The following GPR55 variants were observed in gnomAD, a reference collection of about 807,000 sequenced individuals.
The protein encoded by GPR55 is G protein-coupled receptor 55.
In GPR55, 6 loss-of-function variants were observed where a neutral mutation model predicts 7.9. That is an observed-to-expected ratio of 0.76 (90% CI 0.41 to 1.49). The LOEUF (loss-of-function observed/expected upper bound fraction) is 1.49. GPR55 is among the 40% of genes most tolerant of loss of function. The pLI, the probability that GPR55 is intolerant of heterozygous loss-of-function variation, is 0.01. For missense variants in GPR55, 376 were observed against 406.0 expected (o/e 0.93, Z 0.63); for synonymous variants, 183 against 166.8 (o/e 1.10, Z -0.75).
exon 1 of GPR55, chr2:230,961,063 T>C (rs1215259817): frequency 6.6e-6 from 1 of 152,230 alleles, no homozygotes; most frequent in Non-Finnish European, 1.5e-5. Context: ...GCCCAGAGCA[T>C]TCTGTTCTCC....
chr2:230,952,787 G>T (rs865941510), intron 1 of GPR55, among the ~76,000 whole-genome samples: 1 of 152,138 alleles, frequency 6.6e-6, no homozygotes, highest in African/African-American at 2.4e-5. Context: ...CCTCTTGGAG[G>T]CAGGCTTCTC....
chr2:230,911,904 G>C (rs560511334), intron 1 of GPR55, among the ~76,000 whole-genome samples: 1 of 152,268 alleles, frequency 6.6e-6, no homozygotes, highest in African/African-American at 2.4e-5. Context: ...TTTGGGGTGA[G>C]GGGGTGAGTG....
chr2:230,911,006 C>T lies in GPR55; in HGVS notation c.-44G>A, dbSNP rs752577499. On this transcript the variant is annotated 5_prime_UTR_variant, in exon 2 of 2. In the 5' UTR this introduces an upstream ATG that the reference lacks. Transcript: ENST00000650999. ...AACAGATCAGACGGGGCTCCTTTCACTCTCTTGAAGTGATGGATTCAAATG... is the reference window on the plus strand; with the variant it reads ...AACAGATCAGACGGGGCTCCTTTCATTCTCTTGAAGTGATGGATTCAAATG... 123 of 1,555,242 alleles carry T rather than the reference C, an allele frequency of 7.9e-5. No individual in the cohort carries two copies. The East Asian group carries it at 2.0e-3, about 25-fold the overall frequency.
intron 1 of GPR55, among the ~76,000 whole-genome samples, chr2:230,932,302 A>C (rs919578547): frequency 6.6e-6 from 1 of 152,370 alleles, no homozygotes; most frequent in East Asian, 1.9e-4. Flanking sequence ...CATTCCCTAC[A>C]TAATTGGTGC....
At chr2:230,927,849 C>T (rs531377919), upstream of GPR55, among the ~76,000 whole-genome samples, 1 of 152,390 alleles carries the variant, frequency 6.6e-6, no homozygotes, top group African/African-American at 2.4e-5. Flanking sequence ...CCTGGCCCTG[C>T]CCTCGTGGGG....
chr2:230,958,191 G>C (rs1455773101), intron 1 of GPR55, among the ~76,000 whole-genome samples: 2 of 152,140 alleles, frequency 1.3e-5, no homozygotes, highest in Non-Finnish European at 2.9e-5. Context: ...GAGTACTACT[G>C]TTATCACATC....
At chr2:230,949,418 T>G (rs1375547220) in intron 1 of GPR55, among the ~76,000 whole-genome samples, 1 of 152,224 alleles carries the variant, frequency 6.6e-6, no homozygotes, top group Admixed American at 6.5e-5. Context: ...CGCGTTGGCC[T>G]CCCAATGTGC....
At chr2:230,913,422 A>G (rs1690638360) in intron 1 of GPR55, among the ~76,000 whole-genome samples, 1 of 152,246 alleles carries the variant, frequency 6.6e-6, no homozygotes. Flanking sequence ...AGGTTCATAT[A>G]TATATCATCC....
upstream of GPR55, among the ~76,000 whole-genome samples, chr2:230,926,732 C>CAGGCTGCA (rs1272289167): frequency 4.2e-5 from 6 of 142,374 alleles, no homozygotes; most frequent in African/African-American, 1.6e-4. Flanking sequence ...CTCTGTTGCC[C>CAGGCTGCA]AGGCTGCAGT....
intron 1 of GPR55, among the ~76,000 whole-genome samples, chr2:230,945,615 C>T (rs748328480): frequency 6.6e-6 from 1 of 152,236 alleles, no homozygotes; most frequent in South Asian, 2.1e-4. Flanking sequence ...CTCTGTCGCC[C>T]AGGCTGGAGT....
intron 1 of GPR55, among the ~76,000 whole-genome samples, chr2:230,917,140 G>A (rs557833916): frequency 4.6e-5 from 7 of 152,294 alleles, no homozygotes; most frequent in South Asian, 4.1e-4. Flanking sequence ...ACTCAATTGC[G>A]AGGGCAAATG....
At chr2:230,960,512 G>T (rs1691551340) in intron 1 of GPR55, among the ~76,000 whole-genome samples, 1 of 151,930 alleles carries the variant, frequency 6.6e-6, no homozygotes, top group African/African-American at 2.4e-5. Flanking sequence ...AAAATACCTT[G>T]GGAAGGAGAA....
At chr2:230,949,606 T>C (rs1574635749) in intron 1 of GPR55, among the ~76,000 whole-genome samples, 1 of 151,842 alleles carries the variant, frequency 6.6e-6, no homozygotes, top group African/African-American at 2.4e-5. Context: ...GGACACTTTC[T>C]GGGGATCCAC....
chr2:230,928,400 C>T (rs1690977647), upstream of GPR55: 1 of 152,240 alleles, frequency 6.6e-6, no homozygotes, highest in South Asian at 2.1e-4. Context: ...CAAAGCAGCT[C>T]TGTCAGCTTG....
intron 1 of GPR55, among the ~76,000 whole-genome samples, chr2:230,938,529 A>G (rs989421863): frequency 6.6e-6 from 1 of 152,174 alleles, no homozygotes; most frequent in African/African-American, 2.4e-5. Flanking sequence ...GTATTTCCTG[A>G]TGTCTCTTCA....
At chr2:230,956,005 G>GC (rs1174581778) in intron 1 of GPR55, among the ~76,000 whole-genome samples, 3 of 152,112 alleles carry the variant, frequency 2.0e-5, no homozygotes, top group African/African-American at 7.2e-5. Context: ...GAGATTATAG[G>GC]CATGAGCCAC....
At chr2:230,918,524 C>G (rs528145594) in intron 1 of GPR55, among the ~76,000 whole-genome samples, 1 of 152,098 alleles carries the variant, frequency 6.6e-6, no homozygotes, top group Non-Finnish European at 1.5e-5. Context: ...AGATAATCCC[C>G]GTGCCCTATA....
At position 230,910,761 on chromosome 2, in the gene GPR55, CT is replaced by C; in HGVS notation, c.201del (p.Val68SerfsTer62). 1 of 1,614,134 alleles carries C rather than the reference CT, an allele frequency of 6.2e-7. No individual in the cohort carries two copies. The highest frequency in any genetic ancestry group is 8.5e-7 in the Non-Finnish European group (1 of 1,179,956). The stretch of plus-strand genomic sequence containing the variant: ...GAGAGCACCAGCAGCAGGTCAAAGA[CT>C]GCCAGGTTGATCATGTAGATGGAGG... Reference protein sequence around the residue: ...AATSIYMINLAVFDLLLVLSL... With the variant: ...AATSIYMINLXVFDLLLVLSL... On this transcript the variant is annotated frameshift_variant, in exon 2 of 2. Transcript: ENST00000650999. LOFTEE classifies it high-confidence loss of function. The surrounding 1 kb of genome is among the most constrained non-coding windows in gnomAD (Gnocchi z 5.4).
chr2:230,955,973 C>A (rs1196845989), intron 1 of GPR55, among the ~76,000 whole-genome samples: 1 of 152,092 alleles, frequency 6.6e-6, no homozygotes, highest in African/African-American at 2.4e-5. Flanking sequence ...GTGATCCTCC[C>A]TCCTCAGCCT....
Sources: allele counts gnomAD v4.1 joint callset (sites outside exome capture counted in the v4.1 genomes callset), GRCh38; gene constraint gnomAD v4.1.1; non-coding constraint Gnocchi (gnomAD v3.1); transcripts MANE v1.5; gene names NCBI Gene and HGNC (gene_info 2026-07-23, HGNC 2026-07-21).